The following PLCH1 variants were observed in gnomAD, a reference collection of about 807,000 sequenced individuals.
The protein encoded by PLCH1 is 1-phosphatidylinositol 4,5-bisphosphate phosphodiesterase eta-1.
A neutral mutation model predicts 126.7 loss-of-function variants in PLCH1; 60 were observed. The observed-to-expected ratio is 0.47, with a 90% CI of 0.38 to 0.59. The LOEUF (loss-of-function observed/expected upper bound fraction) is 0.59, where lower values mean the gene tolerates loss of function less well. PLCH1 is among the 20% of genes least tolerant of loss of function. The probability of loss-of-function intolerance (pLI) is 0.00; values close to 1 mark genes in which losing one functional copy is unlikely to be tolerated. For missense variants in PLCH1, 1,723 were observed against 2,040.0 expected (o/e 0.84, Z 2.99); for synonymous variants, 719 against 734.9 (o/e 0.98, Z 0.35).
intron 10 of PLCH1, among the ~76,000 whole-genome samples, chr3:155,533,952 C>G (rs1036267023): frequency 6.6e-6 from 1 of 152,140 alleles, no homozygotes; most frequent in African/African-American, 2.4e-5. Flanking sequence ...GCCTAGATTT[C>G]AAAGGATGTA....
At chr3:155,494,859 A>ATATATAAAACT (rs1716801536) in intron 15 of PLCH1, among the ~76,000 whole-genome samples, 1 of 152,172 alleles carries the variant, frequency 6.6e-6, no homozygotes, top group Non-Finnish European at 1.5e-5. Context: ...ACTTAAACAG[A>ATATATAAAACT]ATATATTTGC....
rs150951391 is a variant in PLCH1 at position 155,615,190 on chromosome 3, A to G, written c.80-18812T>C. ...CAACAAACATATGAAAAAGTGCTCA[A>G]CATGACTAATCATCAGAGAAATGCA... On this transcript the variant is annotated intron_variant, in intron 2 of 22. Coordinates refer to ENST00000460012, the MANE Select transcript of PLCH1 (RefSeq NM_014996.4). 1.2e-3 allele frequency among the ~76,000 whole-genome samples: 186 copies of G among 152,300 alleles called. 1 individual carries two copies. Among genetic ancestry groups the G allele is most frequent in the African/African-American group, 4.3e-3 (177 of 41,582 alleles).
At chr3:155,574,377 T>A (rs1475107363) in intron 6 of PLCH1, among the ~76,000 whole-genome samples, 1 of 152,226 alleles carries the variant, frequency 6.6e-6, no homozygotes, top group East Asian at 1.9e-4. Flanking sequence ...GAATATCATG[T>A]AACTAACATC....
rs1428259676 is a variant in PLCH1 at position 155,519,770 on chromosome 3, G to C, written c.1470+4127C>G. 2.9e-5 allele frequency among the ~76,000 whole-genome samples: 4 copies of C among 137,038 alleles called. No individual in the cohort carries two copies. The South Asian group carries it at 7.0e-4, about 24-fold the overall frequency. 89.9% of individuals were successfully genotyped at this position (137,038 alleles called of 152,430 possible). A position where few individuals can be genotyped will look rare whatever the true frequency, so the allele number is the denominator to read the frequency against. ...AAAAAAAAAAGGCAAAAAAGTTGAGGACCTTTGCTTTAAAAAAAAAAAAAA... is the reference window on the plus strand; with the variant it reads ...AAAAAAAAAAGGCAAAAAAGTTGAGCACCTTTGCTTTAAAAAAAAAAAAAA... On this transcript the variant is annotated intron_variant, in intron 11 of 22. Transcript: ENST00000460012.
intron 13 of PLCH1, among the ~76,000 whole-genome samples, chr3:155,501,492 C>G (rs918999432): frequency 1.3e-5 from 2 of 152,080 alleles, no homozygotes; most frequent in Non-Finnish European, 2.9e-5. Context: ...CAACACAGAC[C>G]TCAACAATAC....
At chr3:155,727,000 G>C (rs554669031) in intron 1 of PLCH1, among the ~76,000 whole-genome samples, 1 of 151,508 alleles carries the variant, frequency 6.6e-6, no homozygotes, top group South Asian at 2.1e-4. Context: ...GAATACAGGC[G>C]TGAGCCACTG....
At position 155,490,823 on chromosome 3, in the gene PLCH1, C is replaced by A. The variant is rs750487032; in HGVS notation, c.2353G>T (p.Asp785Tyr). 1 of 1,599,182 alleles carries A rather than the reference C, an allele frequency of 6.3e-7. No individual in the cohort carries two copies. The highest frequency in any genetic ancestry group is 2.2e-5 in the East Asian group (1 of 44,712). The change falls in exon 19 of 23, where the codon GAT (aspartate) becomes TAT (tyrosine). Residue 785 changes from aspartate (D) to tyrosine (Y), a missense_variant. Transcript: ENST00000460012. ...VEVEIIGLPV[D>Y]CCKDQTRVVD... ...ACACGGGTTTGATCTTTACAACAAT[C>A]TACTGGCAATCCAATAATTTCAACT...
chr3:155,524,162 T>C (rs1415619029), intron 10 of PLCH1, among the ~76,000 whole-genome samples, 158 bp from the exon 11 acceptor site: 1 of 152,244 alleles, frequency 6.6e-6, no homozygotes, highest in African/African-American at 2.4e-5. Flanking sequence ...GAAATTCTGA[T>C]ACATATTACA....
At chr3:155,588,412 G>A (rs1037078604) in intron 4 of PLCH1, among the ~76,000 whole-genome samples, 5 of 152,060 alleles carry the variant, frequency 3.3e-5, no homozygotes, top group Non-Finnish European at 7.4e-5. Context: ...TTCAAGGCAC[G>A]CAGCACCCAC....
intron 4 of PLCH1, 126 bp from the exon 5 acceptor site, chr3:155,586,320 T>C: frequency 1.2e-6 from 1 of 858,236 alleles, no homozygotes; most frequent in Non-Finnish European, 1.9e-6. Flanking sequence ...GAGGAGCCCC[T>C]GCAATCCATA....
Position 155,463,924 on chromosome 3 carries a change from C to T in PLCH1, c.2938+21432G>A, listed in dbSNP as rs149801089. ...TTACTCTCACATTTTCCCTAAGTTC[C>T]CTGATTCATCAGTTTATCAGATGTT... On this transcript the variant is annotated intron_variant, in intron 21 of 21. Transcript: ENST00000494598. Among the ~76,000 whole-genome samples, 7 of 152,290 alleles carry T rather than the reference C, an allele frequency of 4.6e-5. No individual in the cohort carries two copies. In the East Asian group the frequency reaches 1.4e-3, roughly 29 times the overall value.
chr3:155,608,181 T>C (rs1412550749), intron 2 of PLCH1, among the ~76,000 whole-genome samples: 1 of 152,118 alleles, frequency 6.6e-6, no homozygotes, highest in African/African-American at 2.4e-5. Flanking sequence ...AGCTCCAGGC[T>C]AGGGAAGCCA....
At chr3:155,692,470 GGAT>G (rs1745464633) in intron 2 of PLCH1, among the ~76,000 whole-genome samples, 1 of 152,068 alleles carries the variant, frequency 6.6e-6, no homozygotes, top group African/African-American at 2.4e-5. Context: ...ATGGATGGAT[GGAT>G]GGATGGATGG....
At chr3:155,653,456 T>A (rs1741005158) in intron 2 of PLCH1, among the ~76,000 whole-genome samples, 2 of 152,340 alleles carry the variant, frequency 1.3e-5, no homozygotes, top group African/African-American at 4.8e-5. Flanking sequence ...TTACCCAGTG[T>A]TGGTTCCACA....
rs1267353011 is a variant in PLCH1 at position 155,588,290 on chromosome 3, C to T, written c.471-2096G>A. On this transcript the variant is annotated intron_variant, in intron 4 of 22. Transcript: ENST00000460012. ...CTTGTCAGGACCTCATTTTATATGA[C>T]CCCTGGAAGTTAAGGGAGGTCCAGA... Among the ~76,000 whole-genome samples, 25 of 152,090 alleles carry T rather than the reference C, an allele frequency of 1.6e-4. 2 individuals are homozygous for T. The highest frequency in any genetic ancestry group is 1.6e-3 in the Admixed American group (24 of 15,262).
intron 12 of PLCH1, among the ~76,000 whole-genome samples, chr3:155,514,245 T>C (rs1371985413): frequency 6.6e-6 from 1 of 152,218 alleles, no homozygotes; most frequent in Non-Finnish European, 1.5e-5. Flanking sequence ...GGCAGTTGGA[T>C]GGCTAGACTT....
chr3:155,475,075 T>TAAA (rs56659245), downstream of PLCH1, among the ~76,000 whole-genome samples: 5 of 139,162 alleles, frequency 3.6e-5, no homozygotes, highest in East Asian at 1.0e-3. Flanking sequence ...CTTAAAGTAT[T>TAAA]AAAAAAAAAA....
chr3:155,564,853 G>A (rs777005124), intron 8 of PLCH1, 62 bp downstream of exon 8: 181 of 1,042,280 alleles, frequency 1.7e-4, no homozygotes, highest in Non-Finnish European at 2.6e-4. Context: ...TACTAGACTC[G>A]ACAGACTGAT....
intron 2 of PLCH1, among the ~76,000 whole-genome samples, chr3:155,605,596 T>A (rs1734254490): frequency 6.6e-6 from 1 of 152,202 alleles, no homozygotes; most frequent in African/African-American, 2.4e-5. Context: ...GTTAAAATCC[T>A]TTTCAAGCCC....
Sources: gnomAD v4.1 joint callset for allele counts (sites outside exome capture counted in the v4.1 genomes callset) on GRCh38, gnomAD v4.1.1 for gene constraint, MANE v1.5 for transcripts, NCBI Gene and HGNC (gene_info 2026-07-23, HGNC 2026-07-21) for gene names.